Variants in ZBTB20 observed in about 807,000 individuals in gnomAD.
ZBTB20 encodes zinc finger and BTB domain-containing protein 20.
Under a neutral mutation model 56.9 loss-of-function variants are expected in ZBTB20, and 9 were observed. That is an observed-to-expected ratio of 0.16 (90% CI 0.10 to 0.28). The LOEUF is 0.28. Ranked by LOEUF, ZBTB20 falls within the 10% of genes least tolerant of loss-of-function variation. The probability of loss-of-function intolerance (pLI) is 1.00; values close to 1 mark genes in which losing one functional copy is unlikely to be tolerated. For synonymous variants in ZBTB20, 417 were observed against 420.7 expected (o/e 0.99, Z 0.11); for missense variants, 655 against 1,003.0 (o/e 0.65, Z 4.69).
intron 5 of ZBTB20, among the ~76,000 whole-genome samples, chr3:114,727,843 A>G (rs548023556): frequency 6.6e-6 from 1 of 152,288 alleles, no homozygotes; most frequent in East Asian, 1.9e-4. Flanking sequence ...AGTATAATTA[A>G]TAATAATAAC....
intron 7 of ZBTB20, among the ~76,000 whole-genome samples, chr3:114,486,357 G>T (rs2109435239): frequency 6.6e-6 from 1 of 151,980 alleles, no homozygotes; most frequent in East Asian, 1.9e-4. Context: ...GAAAAAATTG[G>T]TTCTTTTTAA....
intron 10 of ZBTB20, chr3:114,355,957 G>A (rs951860584): frequency 1.3e-5 from 2 of 152,078 alleles, no homozygotes; most frequent in East Asian, 1.9e-4. Flanking sequence ...AATAAAAAAT[G>A]CACAGTGTTA....
intron 2 of ZBTB20, among the ~76,000 whole-genome samples, chr3:115,064,433 T>G (rs1398690862): frequency 6.7e-6 from 1 of 149,254 alleles, no homozygotes; most frequent in Admixed American, 6.7e-5. Flanking sequence ...AGTAATTTTC[T>G]CTCATAATTC....
chr3:114,375,587 G>A (rs1475499954), intron 10 of ZBTB20, among the ~76,000 whole-genome samples: 1 of 152,184 alleles, frequency 6.6e-6, no homozygotes, highest in Non-Finnish European at 1.5e-5. Context: ...GCAATTCAAG[G>A]GGAAATCTGC....
chr3:114,484,337 T>C (rs2041873530), intron 7 of ZBTB20, among the ~76,000 whole-genome samples: 1 of 152,140 alleles, frequency 6.6e-6, no homozygotes, highest in Admixed American at 6.5e-5. Context: ...AACCCTACAG[T>C]ACATTGTGTG....
rs1233956928 is a variant in ZBTB20, at chr3:114,677,627, T to C, written c.-295+15901A>G. 3.9e-5 allele frequency among the ~76,000 whole-genome samples: 6 copies of C among 152,250 alleles called. No homozygotes were observed. In the East Asian group the frequency reaches 1.2e-3, roughly 29 times the overall value. On this transcript the variant is annotated intron_variant, in intron 6 of 11. Coordinates refer to ENST00000675478, the MANE Select transcript of ZBTB20 (RefSeq NM_001348800.3). Reference sequence around the variant, plus strand: ...AACTGGTCCCTGGTGGCAAAAACGTTGGTGGCTGCTGGCCCAGACAATATC... The same window carrying C: ...AACTGGTCCCTGGTGGCAAAAACGTCGGTGGCTGCTGGCCCAGACAATATC...
intron 6 of ZBTB20, among the ~76,000 whole-genome samples, chr3:114,639,485 C>A (rs1485824499): frequency 2.7e-5 from 1 of 37,160 alleles, no homozygotes; most frequent in Non-Finnish European, 5.0e-5. Flanking sequence ...TTTTTTTTCT[C>A]TCCTAGAGAT....
At chr3:114,801,451 C>T (rs2071714246) in intron 4 of ZBTB20, among the ~76,000 whole-genome samples, 1 of 150,406 alleles carries the variant, frequency 6.6e-6, no homozygotes, top group Admixed American at 6.7e-5. Context: ...TTAAGGACTT[C>T]ATAATGATAT....
chr3:114,513,726 A>G (rs1171702771), intron 6 of ZBTB20, among the ~76,000 whole-genome samples: 1 of 152,172 alleles, frequency 6.6e-6, no homozygotes, highest in Admixed American at 6.5e-5. Flanking sequence ...AAGCAGTCTA[A>G]GGGAACTCGG....
chr3:114,596,106 C>T (rs748182976), intron 6 of ZBTB20, among the ~76,000 whole-genome samples: 2 of 152,100 alleles, frequency 1.3e-5, no homozygotes, highest in African/African-American at 4.8e-5. Context: ...TTCTCTAACA[C>T]GAGGCTCACA....
At chr3:114,911,135 G>A (rs1373591135) in intron 3 of ZBTB20, among the ~76,000 whole-genome samples, 1 of 151,186 alleles carries the variant, frequency 6.6e-6, no homozygotes, top group Non-Finnish European at 1.5e-5. Context: ...AAAAAAAAGT[G>A]CCCTAGTTGA....
At chr3:114,341,968 T>C (rs2079811380) in intron 11 of ZBTB20, among the ~76,000 whole-genome samples, 1 of 152,196 alleles carries the variant, frequency 6.6e-6, no homozygotes, top group South Asian at 2.1e-4. Context: ...TTCCCTTCCC[T>C]GCCACAGAAC....
chr3:114,899,653 T>C (rs570677797), intron 4 of ZBTB20, among the ~76,000 whole-genome samples: 3 of 152,180 alleles, frequency 2.0e-5, no homozygotes, highest in Admixed American at 2.0e-4. Context: ...TCTTTCAGAG[T>C]CAGAGTACAC....
At chr3:115,139,979 A>G (rs1412134228) in intron 1 of ZBTB20, among the ~76,000 whole-genome samples, 2 of 152,120 alleles carry the variant, frequency 1.3e-5, no homozygotes, top group Non-Finnish European at 2.9e-5. Context: ...CTTTTATAAA[A>G]GACTAAAAGT....
chr3:114,529,645 AG>A (rs1172416599), intron 6 of ZBTB20, among the ~76,000 whole-genome samples: 2 of 152,254 alleles, frequency 1.3e-5, no homozygotes, highest in Non-Finnish European at 2.9e-5. Context: ...TACAGAAGGT[AG>A]TAAAAGCAGT....
At chr3:114,863,330 T>C (rs937086105) in intron 4 of ZBTB20, among the ~76,000 whole-genome samples, 16 of 152,292 alleles carry the variant, frequency 1.1e-4, no homozygotes, top group Middle Eastern at 3.4e-3. Flanking sequence ...TATTGCCAGT[T>C]CTTAACTTGT....
intron 1 of ZBTB20, among the ~76,000 whole-genome samples, chr3:115,131,485 T>C (rs2108668847): frequency 6.6e-6 from 1 of 152,270 alleles, no homozygotes; most frequent in South Asian, 2.1e-4. Flanking sequence ...CATGGTTGAG[T>C]TTCCATTATT....
chr3:114,672,200 A>G (rs780183961), intron 6 of ZBTB20, among the ~76,000 whole-genome samples: 1 of 151,968 alleles, frequency 6.6e-6, no homozygotes, highest in Non-Finnish European at 1.5e-5. Flanking sequence ...CTTCCTGTTA[A>G]TTTTTTTTCT....
At chr3:114,466,937 T>C (rs961638283) in intron 7 of ZBTB20, among the ~76,000 whole-genome samples, 2 of 152,230 alleles carry the variant, frequency 1.3e-5, no homozygotes, top group Admixed American at 6.5e-5. Context: ...AGGAATATCA[T>C]TTGCTATTCA....
Sources: allele counts gnomAD v4.1 joint callset (sites outside exome capture counted in the v4.1 genomes callset), GRCh38; gene constraint gnomAD v4.1.1; transcripts MANE v1.5; gene names NCBI Gene and HGNC (gene_info 2026-07-23, HGNC 2026-07-21).